Variants in NLGN1 observed in about 807,000 individuals in gnomAD.
The protein encoded by NLGN1 is neuroligin-1.
Under a neutral mutation model 65.5 loss-of-function variants are expected in NLGN1, and 12 were observed. The ratio of observed to expected loss-of-function variants is 0.18; its 90% CI spans 0.12 to 0.30. The LOEUF (loss-of-function observed/expected upper bound fraction) is 0.30. Ranked by LOEUF, NLGN1 falls within the 10% of genes least tolerant of loss-of-function variation. The probability of loss-of-function intolerance (pLI) is 1.00; values close to 1 mark genes in which losing one functional copy is unlikely to be tolerated. For missense variants in NLGN1, 750 were observed against 1,007.1 expected (o/e 0.74, Z 3.46); for synonymous variants, 350 against 359.5 (o/e 0.97, Z 0.30).
intron 2 of NLGN1, among the ~76,000 whole-genome samples, chr3:173,472,991 A>G (rs1725556058): frequency 1.3e-5 from 2 of 152,188 alleles, no homozygotes. Context: ...TCAGAGATTC[A>G]TATTTATTTC....
chr3:174,092,547 T>C (rs905711821), intron 4 of NLGN1, among the ~76,000 whole-genome samples: 1 of 152,126 alleles, frequency 6.6e-6, no homozygotes, highest in Non-Finnish European at 1.5e-5. Flanking sequence ...GTAATACCAG[T>C]GATGGCATTC....
intron 3 of NLGN1, among the ~76,000 whole-genome samples, chr3:173,805,823 G>C (rs1256006492): frequency 6.6e-6 from 1 of 152,178 alleles, no homozygotes; most frequent in Non-Finnish European, 1.5e-5. Context: ...AGCTGAAACT[G>C]TATGTAGCAA....
At chr3:173,425,363 T>A (rs888283169) in intron 1 of NLGN1, among the ~76,000 whole-genome samples, 28 of 150,894 alleles carry the variant, frequency 1.9e-4, no homozygotes, top group African/African-American at 4.4e-4. Context: ...CTTTTTTTTT[T>A]ATAAAATCTT....
chr3:173,595,200 A>G (rs918420240), intron 2 of NLGN1, among the ~76,000 whole-genome samples: 1 of 152,062 alleles, frequency 6.6e-6, no homozygotes, highest in African/African-American at 2.4e-5. Flanking sequence ...CTGAACTTTT[A>G]TGCTCTGCCT....
intron 4 of NLGN1, among the ~76,000 whole-genome samples, chr3:174,107,005 CACACACACACACAGAGAG>C (rs1249271507): frequency 1.0e-4 from 12 of 119,260 alleles, no homozygotes; most frequent in African/African-American, 3.5e-4. Flanking sequence ...CACACACACA[CACACACACACACAGAGAG>C]AGAGAGAGAG....
chr3:173,476,932 G>A (rs921974054), intron 2 of NLGN1, among the ~76,000 whole-genome samples: 1 of 152,126 alleles, frequency 6.6e-6, no homozygotes, highest in African/African-American at 2.4e-5. Context: ...ACGTAGTTGT[G>A]GAAGCAATTG....
chr3:173,778,580 T>G (rs1052570352), intron 3 of NLGN1, among the ~76,000 whole-genome samples: 3 of 151,934 alleles, frequency 2.0e-5, no homozygotes, highest in African/African-American at 7.2e-5. Flanking sequence ...TAATATCTGC[T>G]TCTTTTTGTT....
intron 4 of NLGN1, among the ~76,000 whole-genome samples, chr3:173,904,196 G>A (rs762938152): frequency 2.6e-5 from 4 of 151,856 alleles, no homozygotes; most frequent in Non-Finnish European, 4.4e-5. Flanking sequence ...TTATTGCATG[G>A]GCTTTTTAAA....
intron 2 of NLGN1, among the ~76,000 whole-genome samples, chr3:173,446,060 C>T (rs1310395693): frequency 6.9e-6 from 1 of 145,212 alleles, no homozygotes; most frequent in South Asian, 2.2e-4. Flanking sequence ...TTCTTTTTTT[C>T]TTTTTTTTTT....
At chr3:173,990,967 A>G (rs1237825734) in intron 4 of NLGN1, among the ~76,000 whole-genome samples, 1 of 152,168 alleles carries the variant, frequency 6.6e-6, no homozygotes, top group East Asian at 1.9e-4. Context: ...GAGATTTCCC[A>G]TATACCCCCA....
Position 173,918,803 on chromosome 3 carries a change from A to G in NLGN1, c.646+110971A>G, listed in dbSNP as rs555269266. Among the ~76,000 whole-genome samples the G allele has an allele frequency of 5.9e-5, 9 of 151,876 alleles. No individual in the cohort carries two copies. In the East Asian group the frequency reaches 1.5e-3, roughly 26 times the overall value. On this transcript the variant is annotated intron_variant, in intron 4 of 6. Transcript: ENST00000457714. ...TTGCTGTTGTAACAAATTACCACATATTTAGTGTTATAAAACAACATAAAT... is the reference window on the plus strand; with the variant it reads ...TTGCTGTTGTAACAAATTACCACATGTTTAGTGTTATAAAACAACATAAAT...
chr3:173,754,051 T>C (rs1371778963), intron 3 of NLGN1, among the ~76,000 whole-genome samples: 1 of 147,698 alleles, frequency 6.8e-6, no homozygotes, highest in African/African-American at 2.5e-5. Flanking sequence ...TTTTTTTTTG[T>C]TGTTGTTGTT....
rs1321574480 is a variant in NLGN1, at chr3:174,133,248, C to T, written c.647-142067C>T. 2.6e-5 allele frequency among the ~76,000 whole-genome samples: 4 copies of T among 152,176 alleles called. No homozygotes were observed. In the East Asian group the frequency reaches 5.8e-4, roughly 22 times the overall value. ...GAAAAAGTAACCAAGAAGTTAAAACCTTCACATGCCATTCATTCCTTCGTA... is the reference window on the plus strand; with the variant it reads ...GAAAAAGTAACCAAGAAGTTAAAACTTTCACATGCCATTCATTCCTTCGTA... On this transcript the variant is annotated intron_variant, in intron 4 of 6. Transcript: ENST00000457714.
intron 4 of NLGN1, among the ~76,000 whole-genome samples, chr3:173,991,817 T>C (rs977351587): frequency 6.6e-5 from 10 of 152,054 alleles, no homozygotes; most frequent in African/African-American, 2.4e-4. Context: ...TGTTGTTGTT[T>C]GTTTGTTTGT....
intron 4 of NLGN1, among the ~76,000 whole-genome samples, chr3:174,158,582 C>G (rs1725906931): frequency 6.6e-6 from 1 of 151,644 alleles, no homozygotes; most frequent in Non-Finnish European, 1.5e-5. Flanking sequence ...GAATCTCAGA[C>G]CCTGTTCCAA....
chr3:173,655,254 A>G (rs920449827), intron 3 of NLGN1, among the ~76,000 whole-genome samples: 5 of 152,152 alleles, frequency 3.3e-5, no homozygotes, highest in African/African-American at 1.2e-4. Flanking sequence ...TTCTTTACAT[A>G]AACTCTTATT....
chr3:173,976,096 A>G (rs1405134574), intron 4 of NLGN1, among the ~76,000 whole-genome samples: 1 of 152,092 alleles, frequency 6.6e-6, no homozygotes, highest in East Asian at 1.9e-4. Context: ...GATAACATAA[A>G]TATTCTACAA....
intron 1 of NLGN1, among the ~76,000 whole-genome samples, chr3:173,408,952 A>G (rs1250604916): frequency 6.6e-6 from 1 of 151,158 alleles, no homozygotes; most frequent in Non-Finnish European, 1.5e-5. Context: ...CAACTCTGCC[A>G]GTTGTAACTC....
intron 4 of NLGN1, among the ~76,000 whole-genome samples, chr3:173,961,634 A>G (rs1054090726): frequency 1.3e-5 from 2 of 152,110 alleles, no homozygotes; most frequent in Non-Finnish European, 2.9e-5. Context: ...GTGTAATCTT[A>G]AAGAAAAACC....
Sources: allele counts gnomAD v4.1 joint callset (sites outside exome capture counted in the v4.1 genomes callset), GRCh38; gene constraint gnomAD v4.1.1; transcripts MANE v1.5; gene names NCBI Gene and HGNC (gene_info 2026-07-23, HGNC 2026-07-21).